Variants in SEC31A observed in about 807,000 individuals in gnomAD.
SEC31A encodes the protein protein transport protein Sec31A.
A neutral mutation model predicts 151.0 loss-of-function variants in SEC31A; 70 were observed. The observed-to-expected ratio is 0.46, with a 90% CI of 0.38 to 0.57. The LOEUF (loss-of-function observed/expected upper bound fraction) is 0.57. Among genes scored for constraint, SEC31A ranks in the 20% least tolerant of loss-of-function variants. SEC31A has a pLI of 0.00. For synonymous variants in SEC31A, 475 were observed against 505.9 expected, an observed-to-expected ratio of 0.94 and a Z score of 0.82; for missense variants, 1,330 against 1,471.2, an observed-to-expected ratio of 0.90 and a Z score of 1.57.
chr4:82,827,258 G>C (rs547338410), intron 24 of SEC31A, 111 bp downstream of exon 24: 1 of 1,236,138 alleles, frequency 8.1e-7, no homozygotes, highest in African/African-American at 1.5e-5. Flanking sequence ...TTTTTGTTTA[G>C]GTTGTCTAGA....
At chr4:82,890,432 G>A (rs965431384) in intron 1 of SEC31A, among the ~76,000 whole-genome samples, 1 of 152,088 alleles carries the variant, frequency 6.6e-6, no homozygotes, top group Non-Finnish European at 1.5e-5. Flanking sequence ...ATAGCCCTAC[G>A]TAAAATTAAT....
At chr4:82,849,751 T>G (rs577893789) in intron 19 of SEC31A, among the ~76,000 whole-genome samples, 3 of 143,630 alleles carry the variant, frequency 2.1e-5, no homozygotes, top group Non-Finnish European at 4.6e-5. Flanking sequence ...GATTAAGATG[T>G]GAAATTCAGA....
chr4:82,868,526 AAT>A (rs1491041248), intron 8 of SEC31A, among the ~76,000 whole-genome samples: 28 of 113,624 alleles, frequency 2.5e-4, no homozygotes, highest in African/African-American at 3.0e-4. Flanking sequence ...TACTAAAAAA[AAT>A]AAATAAATAA....
chr4:82,869,781 G>A (rs919662940), intron 8 of SEC31A, among the ~76,000 whole-genome samples: 5 of 151,926 alleles, frequency 3.3e-5, no homozygotes, highest in Non-Finnish European at 5.9e-5. Context: ...AAAACTTATC[G>A]AAGACACTCT....
intron 7 of SEC31A, chr4:82,871,519 T>C (rs1736671603): frequency 2.2e-6 from 2 of 909,584 alleles, no homozygotes; most frequent in African/African-American, 1.6e-5. Context: ...CCCATGCCTG[T>C]ATTCCCAGCA....
At chr4:82,825,169 C>T (rs759731987) in intron 24 of SEC31A, among the ~76,000 whole-genome samples, 16 of 152,144 alleles carry the variant, frequency 1.1e-4, no homozygotes, top group Non-Finnish European at 2.2e-4. Flanking sequence ...GAAGACATCC[C>T]GATGCTGCTG....
chr4:82,891,310 G>T, upstream of SEC31A: 1 of 911,798 alleles, frequency 1.1e-6, no homozygotes. Context: ...GGGACCGGCG[G>T]TAGCCTGGGA....
rs189426167 is a variant in SEC31A at position 82,842,133 on chromosome 4, C to T, written c.2968+7G>A. The T allele has an allele frequency of 2.7e-4, 422 of 1,542,374 alleles. No individual in the cohort carries two copies. Among genetic ancestry groups the T allele is most frequent in the Non-Finnish European group, 3.4e-4 (385 of 1,144,228 alleles). ...GGGGCCAAACCAAATCCCTTTCAAG[C>T]GCAGACCTGTTCTTTGGGACGCAGG... On this transcript the variant is annotated splice_region_variant and intron_variant, in intron 22 of 26. Coordinates refer to ENST00000395310, the MANE Select transcript of SEC31A (RefSeq NM_001077207.4).
intron 8 of SEC31A, among the ~76,000 whole-genome samples, 177 bp from the exon 9 acceptor site, chr4:82,867,493 A>G (rs1735661136): frequency 6.6e-6 from 1 of 152,268 alleles, no homozygotes; most frequent in Non-Finnish European, 1.5e-5. Flanking sequence ...ATGATCCATT[A>G]CGATGACCTA....
At chr4:82,879,371 G>GAAA (rs10629800) in intron 3 of SEC31A, among the ~76,000 whole-genome samples, 122 of 143,534 alleles carry the variant, frequency 8.5e-4, no homozygotes, top group East Asian at 3.4e-3. Flanking sequence ...ACCTTTGTCT[G>GAAA]AAAAAAAAAA....
chr4:82,843,708 C>A (rs1360293372), intron 21 of SEC31A: 1 of 151,012 alleles, frequency 6.6e-6, no homozygotes, highest in Non-Finnish European at 1.5e-5. Flanking sequence ...CAAATAGTGG[C>A]AATATTTCAC....
intron 14 of SEC31A, among the ~76,000 whole-genome samples, chr4:82,858,922 C>G (rs775863225): frequency 2.6e-5 from 4 of 151,888 alleles, no homozygotes; most frequent in African/African-American, 4.8e-5. Context: ...AGGATGGTCT[C>G]GATCTCCTGA....
At chr4:82,898,751 A>C (rs538111337) in intron 3 of SEC31A, among the ~76,000 whole-genome samples, 1 of 152,370 alleles carries the variant, frequency 6.6e-6, no homozygotes, top group Admixed American at 6.5e-5. Context: ...ATGTGGAGAA[A>C]CTGGCAGCCT....
At chr4:82,869,421 C>T (rs1234469961) in intron 8 of SEC31A, among the ~76,000 whole-genome samples, 1 of 152,066 alleles carries the variant, frequency 6.6e-6, no homozygotes, top group African/African-American at 2.4e-5. Context: ...TGAGCCACTG[C>T]ACCCGGCCAA....
chr4:82,881,721 A>C, intron 2 of SEC31A, 137 bp downstream of exon 2: 1 of 666,994 alleles, frequency 1.5e-6, no homozygotes, highest in Non-Finnish European at 2.7e-6. Context: ...AAGAACACTA[A>C]ACTTGGCTGA....
At chr4:82,849,141 A>G (rs573434292) in intron 19 of SEC31A, among the ~76,000 whole-genome samples, 164 bp from the exon 20 acceptor site, 3 of 152,288 alleles carry the variant, frequency 2.0e-5, no homozygotes, top group African/African-American at 7.2e-5. Context: ...TGTGCTTTCT[A>G]CTACTCAAGA....
At chr4:82,864,979 G>T (rs188325638) in intron 10 of SEC31A, among the ~76,000 whole-genome samples, 2 of 152,154 alleles carry the variant, frequency 1.3e-5, no homozygotes, top group Admixed American at 1.3e-4. Context: ...TCACCATGTT[G>T]GCCAGGCTGG....
chr4:82,865,477 T>C (rs772217633), intron 10 of SEC31A, among the ~76,000 whole-genome samples: 4 of 137,580 alleles, frequency 2.9e-5, no homozygotes, highest in Non-Finnish European at 6.5e-5. Flanking sequence ...TTATTCACAA[T>C]AGCCAAAAGG....
In SEC31A at chr4:82,857,044, C is replaced by T. The variant is rs973304207; in HGVS notation, c.1789G>A (p.Asp597Asn). The part of the protein sequence containing the change: ...DLCLHDNRMA[D>N]AIILAIAGGQ... ...CCTGCTATGGCCAATATAATGGCAT[C>T]GGCCATGCGGTTATCATGTAAACAA... Residue 597 changes from aspartate (D) to asparagine (N), a missense_variant, in exon 16 of 27, where the codon GAT becomes AAT. Asp to Asn is a conservative substitution (Grantham distance 23, BLOSUM62 1). Transcript: ENST00000395310. The T allele has an allele frequency of 6.8e-6, 11 of 1,613,790 alleles. No homozygotes were observed. Among genetic ancestry groups the T allele is most frequent in the South Asian group, 1.1e-5 (1 of 91,026 alleles).
Sources: allele counts gnomAD v4.1 joint callset (sites outside exome capture counted in the v4.1 genomes callset), GRCh38; gene constraint gnomAD v4.1.1; transcripts MANE v1.5; gene names NCBI Gene and HGNC (gene_info 2026-07-23, HGNC 2026-07-21).